CCDC178: variants seen among roughly 807,000 people sequenced by gnomAD.
The protein encoded by CCDC178 is coiled-coil domain containing 178.
A neutral mutation model predicts 117.4 loss-of-function variants in CCDC178; 126 were observed. That is an observed-to-expected ratio of 1.07 (90% confidence interval 0.93 to 1.24). CCDC178 has a LOEUF of 1.24. Ranked by LOEUF, CCDC178 falls within the 50% of genes most tolerant of loss-of-function variation. The pLI is 0.00. For missense variants in CCDC178, 1,030 were observed against 986.9 expected (o/e 1.04, Z -0.59); for synonymous variants, 283 against 313.4 (o/e 0.90, Z 1.02).
intron 20 of CCDC178, among the ~76,000 whole-genome samples, chr18:33,096,293 A>AACATAAAAATATAAAATTTTTATATTTT (rs2057542152): frequency 7.4e-6 from 1 of 135,092 alleles, no homozygotes. Context: ...AAAAATATAA[A>AACATAAAAATATAAAATTTTTATATTTT]ATATAAAAAT....
In CCDC178 at chr18:33,356,359, A is replaced by C; in HGVS notation, c.349-13T>G. ...AAGAAGTTTCAAACTGTCAAAACAA[A>C]AGATCTCAATAAAAATCAAATCTTA... On this transcript the variant is annotated splice_polypyrimidine_tract_variant and intron_variant, in intron 6 of 22. Coordinates refer to ENST00000383096, the MANE Select transcript of CCDC178 (RefSeq NM_001105528.4). The C allele has an allele frequency of 6.8e-7, 1 of 1,477,590 alleles. No individual in the cohort carries two copies. The highest frequency in any genetic ancestry group is 9.1e-7 in the Non-Finnish European group (1 of 1,094,914). 91.5% of individuals were successfully genotyped at this position (1,477,590 alleles called of 1,614,324 possible). A position where few individuals can be genotyped will look rare whatever the true frequency, so the allele number is the denominator to read the frequency against.
chr18:33,176,779 G>A (rs758383201), intron 20 of CCDC178, among the ~76,000 whole-genome samples: 19 of 152,054 alleles, frequency 1.2e-4, no homozygotes, highest in Middle Eastern at 3.4e-3. Context: ...TTCCAGCTCT[G>A]AATTTTTTTT....
chr18:33,050,446 T>C (rs1444305209), intron 21 of CCDC178, among the ~76,000 whole-genome samples: 1 of 152,146 alleles, frequency 6.6e-6, no homozygotes, highest in East Asian at 1.9e-4. Flanking sequence ...TAATTTAAGA[T>C]TCTAAGAAGC....
Position 33,092,747 on chromosome 18 carries a change from A to G in CCDC178, c.2388+14T>C, listed in dbSNP as rs271474. 0.081 allele frequency: 122,031 copies of G among 1,515,338 alleles called. 7,304 individuals carry two copies. Among genetic ancestry groups the G allele is most frequent in the African/African-American group, 0.31 (21,809 of 70,758 alleles). 93.9% of individuals were successfully genotyped at this position (1,515,338 alleles called of 1,614,324 possible). On this transcript the variant is annotated intron_variant, in intron 21 of 22. Transcript: ENST00000383096. Reference sequence around the variant, plus strand: ...CATAAATCATCACCTTAAAACAATTAGAAAAACCAATACCTGTTTCTTATC... The same window carrying G: ...CATAAATCATCACCTTAAAACAATTGGAAAAACCAATACCTGTTTCTTATC...
At chr18:33,032,835 C>A (rs2056370790) in intron 21 of CCDC178, among the ~76,000 whole-genome samples, 1 of 152,044 alleles carries the variant, frequency 6.6e-6, no homozygotes, top group Non-Finnish European at 1.5e-5. Context: ...TCAATTCTTT[C>A]TTATGGCTTA....
intron 2 of CCDC178, among the ~76,000 whole-genome samples, chr18:33,438,438 TG>T (rs1386968194): frequency 1.5e-4 from 23 of 152,214 alleles, no homozygotes; most frequent in African/African-American, 5.5e-4. Flanking sequence ...TGTTCTAATG[TG>T]AGTGGTCTTC....
At chr18:33,261,226 G>A (rs191003950) in intron 14 of CCDC178, among the ~76,000 whole-genome samples, 1 of 152,318 alleles carries the variant, frequency 6.6e-6, no homozygotes, top group African/African-American at 2.4e-5. Flanking sequence ...TGGGGCTACA[G>A]GCGCCCGCCA....
intron 20 of CCDC178, among the ~76,000 whole-genome samples, chr18:33,169,747 C>T (rs546172668): frequency 1.7e-4 from 26 of 152,198 alleles, no homozygotes; most frequent in African/African-American, 6.0e-4. Context: ...GAAAAAAATG[C>T]TCTGTGCTTG....
At chr18:32,963,583 T>C (rs1404016222) in intron 22 of CCDC178, among the ~76,000 whole-genome samples, 5 of 152,042 alleles carry the variant, frequency 3.3e-5, no homozygotes, top group Non-Finnish European at 4.4e-5. Context: ...CACAATACTG[T>C]TTTTGTTCTC....
rs185579983 is a variant in CCDC178, at chr18:33,211,010, A to G, written c.2238+886T>C. ...TTGTTCCAAATAGTCTTTAAAAAAA[A>G]GTTCTCACACGTCTTTAGATATGTA... On this transcript the variant is annotated intron_variant, in intron 20 of 22. Coordinates refer to ENST00000383096, the MANE Select transcript of CCDC178 (RefSeq NM_001105528.4). Among the ~76,000 whole-genome samples, 4 of 152,134 alleles carry G rather than the reference A, an allele frequency of 2.6e-5. No homozygotes were observed. In the East Asian group the frequency reaches 7.7e-4, roughly 29 times the overall value.
intron 9 of CCDC178, among the ~76,000 whole-genome samples, chr18:33,339,646 AG>A (rs894330777): frequency 9.9e-5 from 15 of 152,074 alleles, no homozygotes; most frequent in Admixed American, 6.6e-4. Flanking sequence ...GAAGGGACCC[AG>A]GGGGAGGTAA....
At chr18:33,419,265 C>T (rs2063990396) in intron 2 of CCDC178, among the ~76,000 whole-genome samples, 1 of 152,006 alleles carries the variant, frequency 6.6e-6, no homozygotes, top group Admixed American at 6.6e-5. Context: ...GGACCCCGTC[C>T]CTACACCACT....
intron 14 of CCDC178, among the ~76,000 whole-genome samples, chr18:33,254,256 AC>A: frequency 2.5e-5 from 2 of 79,790 alleles, no homozygotes; most frequent in Non-Finnish European, 5.1e-5. Context: ...TGAGAAACAC[AC>A]ACACACACAC....
chr18:32,968,036 ATG>A (rs1288418218), intron 22 of CCDC178, among the ~76,000 whole-genome samples: 1 of 151,734 alleles, frequency 6.6e-6, no homozygotes, highest in Non-Finnish European at 1.5e-5. Context: ...CTATTTTGAA[ATG>A]TACATTATTG....
chr18:32,981,714 T>C (rs945564425), intron 21 of CCDC178, among the ~76,000 whole-genome samples: 1 of 152,192 alleles, frequency 6.6e-6, no homozygotes, highest in Non-Finnish European at 1.5e-5. Flanking sequence ...ATTTTTGTTA[T>C]ATACCCACTA....
At chr18:32,975,863 T>C (rs532465150) in intron 21 of CCDC178, among the ~76,000 whole-genome samples, 24 of 152,236 alleles carry the variant, frequency 1.6e-4, no homozygotes, top group South Asian at 4.1e-4. Context: ...GGATCCTCTG[T>C]AAAACATCAA....
chr18:32,999,989 C>A lies in CCDC178; in HGVS notation c.2389-25308G>T, dbSNP rs1445481561. Among the ~76,000 whole-genome samples the A allele has an allele frequency of 2.0e-5, 3 of 151,792 alleles. No homozygotes were observed. In the East Asian group the frequency reaches 5.8e-4, roughly 29 times the overall value. The stretch of plus-strand genomic sequence containing the variant: ...ATGAAGGCCATCCAGGAAAATAAGA[C>A]CTCACCAAATGAACTAAGGGACCAT... On this transcript the variant is annotated intron_variant, in intron 21 of 22. Coordinates refer to ENST00000383096, the MANE Select transcript of CCDC178 (RefSeq NM_001105528.4).
chr18:33,323,229 C>T (rs1417217641), intron 11 of CCDC178: 7 of 208,992 alleles, frequency 3.3e-5, no homozygotes, highest in South Asian at 1.8e-4. Context: ...ATAACATGTC[C>T]TCAGGCAATT....
At chr18:33,420,552 G>A (rs781067909) in intron 2 of CCDC178, among the ~76,000 whole-genome samples, 7 of 151,966 alleles carry the variant, frequency 4.6e-5, no homozygotes, top group Non-Finnish European at 1.0e-4. Flanking sequence ...ATGGGATTTC[G>A]CCATGTTGGC....
Sources: allele counts gnomAD v4.1 joint callset (sites outside exome capture counted in the v4.1 genomes callset), GRCh38; gene constraint gnomAD v4.1.1; transcripts MANE v1.5; gene names NCBI Gene and HGNC (gene_info 2026-07-23, HGNC 2026-07-21).